UGT1A8: variants seen among roughly 807,000 people sequenced by gnomAD.
UGT1A8 encodes UDP-glucuronosyltransferase 1A8.
A neutral mutation model predicts 45.3 loss-of-function variants in UGT1A8; 39 were observed. That is an observed-to-expected ratio of 0.86 (90% CI 0.67 to 1.12). The LOEUF is 1.12. Ranked by LOEUF, UGT1A8 falls within the 50% of genes most tolerant of loss-of-function variation. The probability of loss-of-function intolerance (pLI) is 0.00; values close to 1 mark genes in which losing one functional copy is unlikely to be tolerated. For synonymous variants in UGT1A8, 275 were observed against 249.2 expected, an observed-to-expected ratio of 1.10 and a Z score of -0.97; for missense variants, 719 against 664.9, an observed-to-expected ratio of 1.08 and a Z score of -0.90.
intron 1 of UGT1A8, among the ~76,000 whole-genome samples, chr2:233,663,264 G>A (rs546818838): frequency 6.6e-6 from 1 of 152,310 alleles, no homozygotes; most frequent in East Asian, 1.9e-4. Context: ...AGAACTAGCC[G>A]TGTGGTAGAC....
intron 1 of UGT1A8, among the ~76,000 whole-genome samples, chr2:233,655,640 C>T (rs2073837121): frequency 6.6e-6 from 1 of 152,044 alleles, no homozygotes; most frequent in African/African-American, 2.4e-5. Flanking sequence ...AGACTCTTCT[C>T]TTGTAGGGGA....
chr2:233,759,584 C>G (rs1003659930), intron 1 of UGT1A8, among the ~76,000 whole-genome samples: 4 of 149,800 alleles, frequency 2.7e-5, no homozygotes, highest in African/African-American at 9.9e-5. Flanking sequence ...TACCCCAGCA[C>G]GCCCCCCACC....
rs543743876 is a variant in UGT1A8 at position 233,618,432 on chromosome 2, A to G, written c.725A>G (p.Tyr242Cys). Residue 242 changes from tyrosine (Y) to cysteine (C), a missense_variant, in exon 1 of 5, where the codon TAT becomes TGT. Coordinates refer to ENST00000373450, the MANE Select transcript of UGT1A8 (RefSeq NM_019076.5). ...SEILQTPVTA[Y>C]DLYSHTSIWL... ...ATTCTCCAAACACCTGTCACAGCATATGATCTCTACAGCCACACATCAATT... is the reference window on the plus strand; with the variant it reads ...ATTCTCCAAACACCTGTCACAGCATGTGATCTCTACAGCCACACATCAATT... 3.1e-6 allele frequency: 5 copies of G among 1,613,958 alleles called. No individual in the cohort carries two copies. The African/African-American group carries it at 5.3e-5, about 17-fold the overall frequency.
At chr2:233,765,565 G>A (rs1156273508) in intron 1 of UGT1A8, among the ~76,000 whole-genome samples, 1 of 152,072 alleles carries the variant, frequency 6.6e-6, no homozygotes, top group Non-Finnish European at 1.5e-5. Context: ...GTGAGAATGC[G>A]TAGACGCAGG....
chr2:233,693,363 GC>G, intron 1 of UGT1A8: 1 of 1,614,086 alleles, frequency 6.2e-7, no homozygotes, highest in Non-Finnish European at 8.5e-7. Context: ...ATTGTTATTG[GC>G]CTGTACTTCA....
intron 1 of UGT1A8, among the ~76,000 whole-genome samples, chr2:233,705,578 G>T (rs549130522): frequency 3.3e-5 from 5 of 152,170 alleles, no homozygotes; most frequent in Non-Finnish European, 7.3e-5. Flanking sequence ...GGATAGAAAT[G>T]GTTTATGGAT....
rs751268056 is a variant in UGT1A8 at position 233,671,946 on chromosome 2, A to G, written c.855+53384A>G. ...GCTGCAGTTCTCTGATGGCTTGCAC[A>G]GGGTGGACCAGCCCCCTTCCTCTAT... On this transcript the variant is annotated intron_variant, in intron 1 of 4. Coordinates refer to ENST00000373450, the MANE Select transcript of UGT1A8 (RefSeq NM_019076.5). 5 of 1,610,878 alleles carry G rather than the reference A, an allele frequency of 3.1e-6. No individual in the cohort carries two copies. In the African/African-American group the frequency reaches 6.7e-5, roughly 22 times the overall value.
chr2:233,689,946 CT>C (rs1231536874), intron 1 of UGT1A8: 1 of 456,410 alleles, frequency 2.2e-6, no homozygotes. Context: ...CAAGATTTTC[CT>C]TTATTTCCAT....
intron 1 of UGT1A8, chr2:233,743,763 C>A (rs1415597563): frequency 7.3e-7 from 1 of 1,367,254 alleles, no homozygotes; most frequent in African/African-American, 1.5e-5. Flanking sequence ...ACCTCGTAGG[C>A]CTCGGCCACC....
intron 1 of UGT1A8, chr2:233,730,115 T>C (rs2077988108): frequency 6.4e-7 from 1 of 1,560,670 alleles, no homozygotes; most frequent in Non-Finnish European, 8.7e-7. Flanking sequence ...CTGCTTCTCC[T>C]TGTCATAATA....
chr2:233,672,833 G>A, intron 1 of UGT1A8: 1 of 1,552,094 alleles, frequency 6.4e-7, no homozygotes, highest in Non-Finnish European at 8.7e-7. Context: ...CTTCACCTTT[G>A]GAAATTAAAA....
chr2:233,768,921 A>G (rs1482131176), intron 4 of UGT1A8, among the ~76,000 whole-genome samples: 4 of 152,000 alleles, frequency 2.6e-5, no homozygotes, highest in Non-Finnish European at 2.9e-5. Context: ...GTTATTATTC[A>G]CTTTATAAAA....
At chr2:233,748,271 GAGGA>G (rs762610387) in intron 1 of UGT1A8, among the ~76,000 whole-genome samples, 6 of 151,770 alleles carry the variant, frequency 4.0e-5, no homozygotes, top group Admixed American at 1.3e-4. Flanking sequence ...TGGTCAATGA[GAGGA>G]AGAAGAGGCA....
intron 1 of UGT1A8, among the ~76,000 whole-genome samples, chr2:233,632,693 CTT>C (rs1388429683): frequency 6.6e-6 from 1 of 152,150 alleles, no homozygotes; most frequent in African/African-American, 2.4e-5. Context: ...TAACCTGAGA[CTT>C]TTCTGAAGTT....
intron 1 of UGT1A8, among the ~76,000 whole-genome samples, chr2:233,643,489 C>A (rs1324066906): frequency 6.6e-6 from 1 of 152,066 alleles, no homozygotes; most frequent in Non-Finnish European, 1.5e-5. Flanking sequence ...GAAATGCTGT[C>A]CGAGTCAAGT....
intron 1 of UGT1A8, among the ~76,000 whole-genome samples, chr2:233,699,197 C>G (rs966518416): frequency 2.0e-5 from 3 of 152,172 alleles, no homozygotes; most frequent in African/African-American, 7.2e-5. Context: ...TTCAGAATCT[C>G]ATGCTGTTGC....
chr2:233,752,917 C>T (rs758108184), intron 1 of UGT1A8, among the ~76,000 whole-genome samples: 1 of 152,208 alleles, frequency 6.6e-6, no homozygotes, highest in Non-Finnish European at 1.5e-5. Flanking sequence ...CTCTGAGTGA[C>T]ACTGGTATGC....
chr2:233,658,677 G>A (rs2073904618), intron 1 of UGT1A8, among the ~76,000 whole-genome samples: 1 of 152,196 alleles, frequency 6.6e-6, no homozygotes, highest in Non-Finnish European at 1.5e-5. Context: ...GACCACAAAG[G>A]TAATGTCTTT....
intron 1 of UGT1A8, among the ~76,000 whole-genome samples, chr2:233,625,770 T>C (rs992416524): frequency 1.3e-5 from 2 of 151,566 alleles, no homozygotes; most frequent in Non-Finnish European, 2.9e-5. Context: ...ATGGCAACAA[T>C]AGACACTATG....
Sources: allele counts gnomAD v4.1 joint callset (sites outside exome capture counted in the v4.1 genomes callset), GRCh38; gene constraint gnomAD v4.1.1; transcripts MANE v1.5; gene names NCBI Gene and HGNC (gene_info 2026-07-23, HGNC 2026-07-21).